The following DNAJB6 variants were observed in gnomAD, a reference collection of about 807,000 sequenced individuals.
The protein encoded by DNAJB6 is DnaJ heat shock protein family (Hsp40) member B6, also known as dnaJ homolog subfamily B member 6.
In DNAJB6, 16 loss-of-function variants were observed where a neutral mutation model predicts 42.7. That is an observed-to-expected ratio of 0.37 (90% CI 0.25 to 0.57). The LOEUF (loss-of-function observed/expected upper bound fraction) is 0.57, where lower values mean the gene tolerates loss of function less well. DNAJB6 is among the 20% of genes least tolerant of loss of function. The pLI, the probability that DNAJB6 is intolerant of heterozygous loss-of-function variation, is 0.74. For synonymous variants in DNAJB6, 170 were observed against 163.5 expected (o/e 1.04, Z -0.30); for missense variants, 347 against 416.8 (o/e 0.83, Z 1.46).
chr7:157,410,526 T>G (rs1431687374), intron 9 of DNAJB6: 9 of 173,776 alleles, frequency 5.2e-5, no homozygotes, highest in Non-Finnish European at 1.1e-4. Context: ...CGCCCTGCCC[T>G]CCTCCCACCT....
intron 8 of DNAJB6, among the ~76,000 whole-genome samples, chr7:157,392,099 C>CAA (rs57861175): frequency 0.37 from 41,273 of 111,818 alleles, 7,155 homozygotes; most frequent in South Asian, 0.44. Flanking sequence ...GACCCTGTCT[C>CAA]AAAAAAAAAA....
chr7:157,352,587 C>T (rs981763905), intron 1 of DNAJB6, among the ~76,000 whole-genome samples: 2 of 152,056 alleles, frequency 1.3e-5, no homozygotes, highest in Non-Finnish European at 2.9e-5. Context: ...CCTGACTGTG[C>T]TCAGGCGGCT....
chr7:157,367,157 C>G (rs572793633), intron 4 of DNAJB6, among the ~76,000 whole-genome samples: 7 of 152,156 alleles, frequency 4.6e-5, no homozygotes, highest in African/African-American at 1.7e-4. Flanking sequence ...AAAGTAGTGT[C>G]GAAGGGGCCA....
chr7:157,398,133 A>G (rs1176236090), intron 8 of DNAJB6, among the ~76,000 whole-genome samples: 2 of 152,180 alleles, frequency 1.3e-5, no homozygotes, highest in East Asian at 3.8e-4. Flanking sequence ...GTGCCTTTGT[A>G]TCTGCAGAGT....
intron 1 of DNAJB6, among the ~76,000 whole-genome samples, chr7:157,341,299 A>G (rs1421354908): frequency 6.6e-6 from 1 of 151,360 alleles, no homozygotes; most frequent in East Asian, 2.0e-4. Context: ...TGATTTTTGT[A>G]TTTTTAGTAG....
chr7:157,376,054 G>A (rs1176629555), intron 5 of DNAJB6, among the ~76,000 whole-genome samples: 1 of 152,174 alleles, frequency 6.6e-6, no homozygotes, highest in Non-Finnish European at 1.5e-5. Context: ...GGCGAGCTTA[G>A]TGCTGCCCTG....
At chr7:157,358,435 C>G (rs1391474636) in intron 1 of DNAJB6, 112 bp from the exon 2 acceptor site, 4 of 661,292 alleles carry the variant, frequency 6.0e-6, no homozygotes, top group Non-Finnish European at 1.1e-5. Flanking sequence ...CCTCTGTAGG[C>G]CAGTAGGTGC....
At chr7:157,382,441 T>C (rs73503297) in intron 6 of DNAJB6, 64 bp downstream of exon 6, 4 of 1,516,104 alleles carry the variant, frequency 2.6e-6, no homozygotes, top group Admixed American at 2.3e-5. Flanking sequence ...AAAATCATAA[T>C]ACTCTTTTAG....
intron 1 of DNAJB6, among the ~76,000 whole-genome samples, chr7:157,341,310 A>C (rs1257877881): frequency 6.6e-6 from 1 of 151,650 alleles, no homozygotes; most frequent in Non-Finnish European, 1.5e-5. Flanking sequence ...TTTTTAGTAG[A>C]GACGGGGGTT....
chr7:157,356,288 C>T (rs1321704255), intron 1 of DNAJB6, among the ~76,000 whole-genome samples: 1 of 152,250 alleles, frequency 6.6e-6, no homozygotes, highest in African/African-American at 2.4e-5. Flanking sequence ...AAAATAACCT[C>T]ACGTAGTCAC....
chr7:157,362,324 A>G (rs546174572), intron 2 of DNAJB6, among the ~76,000 whole-genome samples: 326 of 152,232 alleles, frequency 2.1e-3, no homozygotes, highest in Non-Finnish European at 3.5e-3. Flanking sequence ...ATGGAAGGAT[A>G]TGAATGGTGA....
At chr7:157,365,612 T>C (rs1028084933) in intron 3 of DNAJB6, among the ~76,000 whole-genome samples, 1 of 152,222 alleles carries the variant, frequency 6.6e-6, no homozygotes, top group Non-Finnish European at 1.5e-5. Context: ...TAATGTAGCA[T>C]GTCTGGGCTC....
chr7:157,369,393 C>G (rs532444420), intron 5 of DNAJB6: 1 of 456,572 alleles, frequency 2.2e-6, no homozygotes, highest in African/African-American at 2.0e-5. Context: ...GTCCTGTGTT[C>G]TGATCGGTGA....
At chr7:157,380,909 G>T (rs1001584956) in intron 5 of DNAJB6, 1 of 152,272 alleles carries the variant, frequency 6.6e-6, no homozygotes, top group African/African-American at 2.4e-5. Flanking sequence ...GGTACCCAGC[G>T]TCTCAGGGTT....
intron 5 of DNAJB6, among the ~76,000 whole-genome samples, chr7:157,374,418 C>T (rs1800369220): frequency 6.6e-6 from 1 of 152,106 alleles, no homozygotes; most frequent in Admixed American, 6.5e-5. Flanking sequence ...TGCCACCGCG[C>T]CCGGCTAATT....
At chr7:157,343,061 G>A (rs1188194012) in intron 1 of DNAJB6, among the ~76,000 whole-genome samples, 2 of 150,662 alleles carry the variant, frequency 1.3e-5, no homozygotes, top group Non-Finnish European at 3.0e-5. Context: ...GCGTGATCTT[G>A]GCTCACTGCA....
At chr7:157,396,912 A>C (rs1488845904) in intron 8 of DNAJB6, among the ~76,000 whole-genome samples, 1 of 152,082 alleles carries the variant, frequency 6.6e-6, no homozygotes, top group Non-Finnish European at 1.5e-5. Context: ...CCGACGCCAC[A>C]GTGTGCTTTA....
chr7:157,398,403 C>A (rs1008584808), intron 8 of DNAJB6, among the ~76,000 whole-genome samples: 2 of 152,246 alleles, frequency 1.3e-5, no homozygotes, highest in Non-Finnish European at 2.9e-5. Flanking sequence ...GGAGCAGTCT[C>A]CCCAGGGGCC....
chr7:157,374,473 G>A (rs1162589000), intron 5 of DNAJB6, among the ~76,000 whole-genome samples: 1 of 151,986 alleles, frequency 6.6e-6, no homozygotes, highest in African/African-American at 2.4e-5. Context: ...TGGTCAGGTT[G>A]GTCTCGAACT....
Sources: allele counts gnomAD v4.1 joint callset (sites outside exome capture counted in the v4.1 genomes callset), GRCh38; gene constraint gnomAD v4.1.1; transcripts MANE v1.5; gene names NCBI Gene and HGNC (gene_info 2026-07-23, HGNC 2026-07-21).